The following ARHGEF4 variants were observed in gnomAD, a reference collection of about 807,000 sequenced individuals.
ARHGEF4 encodes the protein Rho guanine nucleotide exchange factor 4, also known as APC-stimulated guanine nucleotide exchange factor 1.
In ARHGEF4, 119 loss-of-function variants were observed where a neutral mutation model predicts 162.0. The observed-to-expected ratio is 0.73, with a 90% CI of 0.63 to 0.86. The LOEUF (loss-of-function observed/expected upper bound fraction) is 0.86. Among genes scored for constraint, ARHGEF4 ranks in the 40% least tolerant of loss-of-function variants. The pLI, the probability that ARHGEF4 is intolerant of heterozygous loss-of-function variation, is 0.00. For synonymous variants in ARHGEF4, 1,014 were observed against 979.9 expected (o/e 1.03, Z -0.65); for missense variants, 2,488 against 2,456.0 (o/e 1.01, Z -0.28).
chr2:130,967,139 G>A (rs1685059409), intron 4 of ARHGEF4, among the ~76,000 whole-genome samples: 1 of 152,200 alleles, frequency 6.6e-6, no homozygotes, highest in Non-Finnish European at 1.5e-5. Context: ...CACAGCAGTA[G>A]ACAAGGAATC....
In ARHGEF4 at chr2:130,921,534, T is replaced by C. The variant is rs1288506225; in HGVS notation, c.3552+4036T>C. On this transcript the variant is annotated intron_variant, in intron 2 of 13. Coordinates refer to ENST00000409359, the MANE Select transcript of ARHGEF4 (RefSeq NM_001367493.1). ...ATTTTTCCAAAGTGATTGCATCAAA[T>C]TACACTCTCTCATTAGGAGTATCCT... Among the ~76,000 whole-genome samples, 2 of 152,192 alleles carry C rather than the reference T, an allele frequency of 1.3e-5. 1 individual carries two copies. The highest frequency in any genetic ancestry group is 2.9e-5 in the Non-Finnish European group (2 of 68,032).
At chr2:130,976,787 C>A (rs1685746363) in intron 4 of ARHGEF4, among the ~76,000 whole-genome samples, 1 of 152,176 alleles carries the variant, frequency 6.6e-6, no homozygotes, top group Non-Finnish European at 1.5e-5. Context: ...CAAGCACAGC[C>A]TCGCCTGCAG....
intron 4 of ARHGEF4, among the ~76,000 whole-genome samples, chr2:131,014,060 G>A (rs894450439): frequency 6.6e-6 from 1 of 152,114 alleles, no homozygotes; most frequent in Non-Finnish European, 1.5e-5. Flanking sequence ...TTTCATTAAA[G>A]GAATATGTGA....
chr2:130,840,414 T>C (rs1241014094), intron 1 of ARHGEF4, among the ~76,000 whole-genome samples: 3 of 152,022 alleles, frequency 2.0e-5, no homozygotes, highest in Admixed American at 6.6e-5. Context: ...ACCTGGCAGG[T>C]TAAGGGGGGA....
chr2:130,952,766 A>G (rs1446341577), intron 4 of ARHGEF4, among the ~76,000 whole-genome samples: 1 of 152,020 alleles, frequency 6.6e-6, no homozygotes, highest in African/African-American at 2.4e-5. Flanking sequence ...CTATACACTA[A>G]TAACAGACAG....
At chr2:130,909,614 T>TA (rs1681046805) in intron 1 of ARHGEF4, among the ~76,000 whole-genome samples, 1 of 151,924 alleles carries the variant, frequency 6.6e-6, no homozygotes, top group African/African-American at 2.4e-5. Flanking sequence ...ACACTTGAAA[T>TA]ATGTGTGGCT....
rs575211295 is a variant in ARHGEF4 at position 130,872,309 on chromosome 2, T to C, written c.39+35317T>C. ...GGCGTGACCCTATCCTGATCCCTGT[T>C]GCAAAGCCTACCCTGACTCCAGAAG... On this transcript the variant is annotated intron_variant, in intron 1 of 13. Transcript: ENST00000409359. Among the ~76,000 whole-genome samples, 12 of 152,274 alleles carry C rather than the reference T, an allele frequency of 7.9e-5. No homozygotes were observed. In the South Asian group the frequency reaches 2.5e-3, roughly 32 times the overall value.
chr2:130,977,066 A>G lies in ARHGEF4; in HGVS notation c.3985+30431A>G, dbSNP rs189765212. On this transcript the variant is annotated intron_variant, in intron 4 of 13. Transcript: ENST00000409359. ...TGTGTTGGTGTGTGGTGTGTTTTGTATGTGTGTTACTGTGTGGTGTGTGTG... is the reference window on the plus strand; with the variant it reads ...TGTGTTGGTGTGTGGTGTGTTTTGTGTGTGTGTTACTGTGTGGTGTGTGTG... Among the ~76,000 whole-genome samples the G allele has an allele frequency of 8.0e-4, 117 of 145,772 alleles. 1 individual carries two copies. The highest frequency in any genetic ancestry group is 2.9e-3 in the African/African-American group (114 of 39,240).
At chr2:130,901,089 G>T (rs2105014802) in intron 1 of ARHGEF4, among the ~76,000 whole-genome samples, 1 of 152,256 alleles carries the variant, frequency 6.6e-6, no homozygotes, top group South Asian at 2.1e-4. Context: ...CTCTGCCACT[G>T]CCACTGGGGG....
Position 131,040,286 on chromosome 2 carries a change from G to A in ARHGEF4, c.4508G>A (p.Arg1503His), listed in dbSNP as rs1211608830. ...CEGYVRQCRK[R>H]ADMFSEEQLR... is the part of the protein sequence containing the mutation. ...GGCTACGTCCGGCAGTGCCGCAAGC[G>A]CGCAGACATGTTCAGCGAGGAGCAG... Residue 1503 changes from arginine to histidine, a missense_variant, in exon 8 of 14, where the codon CGC (arginine) becomes CAC (histidine). By Grantham distance (29) the Arg-to-His change is conservative. Around this residue, in one of 6 missense-constraint regions of ARHGEF4, gnomAD observed 415 missense variants for 512.4 expected, o/e 0.81. Coordinates refer to ENST00000409359, the MANE Select transcript of ARHGEF4 (RefSeq NM_001367493.1). 6.2e-7 allele frequency: 1 copy of A among 1,612,990 alleles called. No individual in the cohort carries two copies. Among genetic ancestry groups the A allele is most frequent in the African/African-American group, 1.3e-5 (1 of 75,040 alleles).
chr2:130,936,998 C>T (rs1465911690), intron 3 of ARHGEF4, among the ~76,000 whole-genome samples: 2 of 145,202 alleles, frequency 1.4e-5, no homozygotes, highest in African/African-American at 5.1e-5. Context: ...ACCACCACCT[C>T]CTAAGTTCAA....
chr2:130,869,222 G>A (rs2104926900), intron 1 of ARHGEF4, among the ~76,000 whole-genome samples: 1 of 152,300 alleles, frequency 6.6e-6, no homozygotes, highest in East Asian at 1.9e-4. Flanking sequence ...GAGGAGTAAG[G>A]GTGGAGGCCT....
chr2:130,911,491 G>GGAT (rs1452138941), intron 1 of ARHGEF4, among the ~76,000 whole-genome samples: 4 of 152,188 alleles, frequency 2.6e-5, no homozygotes, highest in Admixed American at 1.3e-4. Context: ...AATTATTTGG[G>GGAT]GATCGCTCCT....
intron 1 of ARHGEF4, among the ~76,000 whole-genome samples, chr2:130,838,095 C>A (rs1680332366): frequency 6.6e-6 from 1 of 152,238 alleles, no homozygotes; most frequent in African/African-American, 2.4e-5. Context: ...GAGGGCCGGA[C>A]AGCCGGGAAG....
chr2:130,986,887 A>G (rs545491429), intron 4 of ARHGEF4, among the ~76,000 whole-genome samples: 5 of 152,104 alleles, frequency 3.3e-5, no homozygotes, highest in Non-Finnish European at 7.4e-5. Context: ...CCCGCAGGAG[A>G]GCCTTGGGTC....
intron 4 of ARHGEF4, among the ~76,000 whole-genome samples, chr2:131,005,123 C>G (rs1445799221): frequency 6.6e-6 from 1 of 152,152 alleles, no homozygotes; most frequent in Non-Finnish European, 1.5e-5. Context: ...CACCCCTCGC[C>G]TGGGGTTTGC....
At chr2:130,977,443 T>G (rs1685815926) in intron 4 of ARHGEF4, among the ~76,000 whole-genome samples, 1 of 151,772 alleles carries the variant, frequency 6.6e-6, no homozygotes, top group Non-Finnish European at 1.5e-5. Context: ...ATGTGGTGTA[T>G]GTTGCGTGTG....
intron 1 of ARHGEF4, among the ~76,000 whole-genome samples, chr2:130,837,932 G>C (rs1680320568): frequency 6.6e-6 from 1 of 152,258 alleles, no homozygotes; most frequent in Admixed American, 6.5e-5. Flanking sequence ...GTTGAGGTCG[G>C]AGTTCTGTGG....
intron 1 of ARHGEF4, 50 bp from the exon 2 acceptor site, chr2:130,913,934 GCA>G: frequency 2.6e-6 from 4 of 1,532,828 alleles, no homozygotes; most frequent in Non-Finnish European, 3.5e-6. Flanking sequence ...GTAAACATGT[GCA>G]CAGATGTACT....
Sources: allele counts gnomAD v4.1 joint callset (sites outside exome capture counted in the v4.1 genomes callset), GRCh38; gene constraint gnomAD v4.1.1; regional missense constraint gnomAD v4.1.1; transcripts MANE v1.5; gene names NCBI Gene and HGNC (gene_info 2026-07-23, HGNC 2026-07-21).